The following KCND3 variants were observed in gnomAD, a reference collection of about 807,000 sequenced individuals.
KCND3 encodes A-type voltage-gated potassium channel KCND3.
A neutral mutation model predicts 51.1 loss-of-function variants in KCND3; 9 were observed. The ratio of observed to expected loss-of-function variants is 0.18; its 90% CI spans 0.11 to 0.31. The LOEUF is 0.31. Among genes scored for constraint, KCND3 ranks in the 10% least tolerant of loss-of-function variants. The probability of loss-of-function intolerance (pLI) is 1.00; values close to 1 mark genes in which losing one functional copy is unlikely to be tolerated. For missense variants in KCND3, 526 were observed against 903.8 expected, an observed-to-expected ratio of 0.58 and a Z score of 5.36; for synonymous variants, 349 against 368.0, an observed-to-expected ratio of 0.95 and a Z score of 0.59.
At chr1:111,921,382 C>T (rs1545300) in intron 2 of KCND3, among the ~76,000 whole-genome samples, 37,653 of 152,118 alleles carry the variant, frequency 0.25, 5,049 homozygotes, top group Non-Finnish European at 0.31. Flanking sequence ...CAAGGCCAGG[C>T]GGTTAACAGA....
At chr1:111,949,256 T>C (rs1277873341) in intron 2 of KCND3, among the ~76,000 whole-genome samples, 22 of 152,210 alleles carry the variant, frequency 1.4e-4, no homozygotes, top group Admixed American at 1.4e-3. Context: ...GTTTCTCTTT[T>C]GTAAAGTGGA....
chr1:111,853,076 T>C (rs917269596), intron 2 of KCND3, among the ~76,000 whole-genome samples: 2 of 152,180 alleles, frequency 1.3e-5, no homozygotes, highest in Non-Finnish European at 2.9e-5. Flanking sequence ...TGCTATGAGA[T>C]AGGTAATGAT....
intron 2 of KCND3, among the ~76,000 whole-genome samples, chr1:111,945,304 A>G (rs200124003): frequency 6.6e-6 from 1 of 152,200 alleles, no homozygotes; most frequent in Admixed American, 6.5e-5. Context: ...GAGGGGTTTC[A>G]TGGAAGACAA....
intron 2 of KCND3, among the ~76,000 whole-genome samples, chr1:111,863,118 G>A (rs148968262): frequency 3.2e-4 from 48 of 152,354 alleles, no homozygotes; most frequent in East Asian, 5.8e-4. Context: ...AGGGCTAGGT[G>A]CCTTACATAT....
chr1:111,898,100 G>C (rs1028698205), intron 2 of KCND3, among the ~76,000 whole-genome samples: 1 of 152,152 alleles, frequency 6.6e-6, no homozygotes, highest in Admixed American at 6.5e-5. Context: ...CATGGTCCTT[G>C]TCCTCTGGCT....
intron 2 of KCND3, among the ~76,000 whole-genome samples, chr1:111,971,295 C>CAA (rs3058881): frequency 2.0e-4 from 27 of 134,838 alleles, no homozygotes; most frequent in African/African-American, 7.5e-4. Context: ...TTGCAGGAGG[C>CAA]AAAAAAAAAA....
intron 2 of KCND3, among the ~76,000 whole-genome samples, chr1:111,835,176 T>C (rs1436047703): frequency 1.3e-5 from 2 of 152,216 alleles, no homozygotes; most frequent in Non-Finnish European, 1.5e-5. Context: ...ATTCCTGACC[T>C]TTGGAAGCTC....
intron 2 of KCND3, among the ~76,000 whole-genome samples, chr1:111,923,525 C>T (rs1479063659): frequency 6.6e-6 from 1 of 152,158 alleles, no homozygotes. Context: ...TTGTGCCTAA[C>T]CTGAAAGTTT....
At chr1:111,837,957 A>G (rs747015777) in intron 2 of KCND3, among the ~76,000 whole-genome samples, 28 of 152,192 alleles carry the variant, frequency 1.8e-4, no homozygotes, top group Non-Finnish European at 2.2e-4. Flanking sequence ...GGGGGAGACC[A>G]CAGAGGTGCC....
chr1:111,829,753 C>T (rs1666749256), intron 2 of KCND3, among the ~76,000 whole-genome samples: 1 of 152,126 alleles, frequency 6.6e-6, no homozygotes. Context: ...CCCAAATGAC[C>T]CCATCCTCTC....
At chr1:111,942,396 G>C (rs565621260) in intron 2 of KCND3, among the ~76,000 whole-genome samples, 1 of 152,188 alleles carries the variant, frequency 6.6e-6, no homozygotes, top group Non-Finnish European at 1.5e-5. Flanking sequence ...TGACTGGGGC[G>C]CTGTGCCATA....
At chr1:111,835,238 A>G (rs1416075282) in intron 2 of KCND3, among the ~76,000 whole-genome samples, 1 of 152,146 alleles carries the variant, frequency 6.6e-6, no homozygotes, top group Non-Finnish European at 1.5e-5. Context: ...TGGCTTGACA[A>G]TGGGTGGGTA....
intron 2 of KCND3, among the ~76,000 whole-genome samples, chr1:111,955,188 C>T (rs539889232): frequency 2.6e-5 from 4 of 152,296 alleles, no homozygotes; most frequent in East Asian, 3.9e-4. Context: ...GCACGAGAAT[C>T]GCTTAAGCCT....
At chr1:111,851,065 C>T (rs997352536) in intron 2 of KCND3, among the ~76,000 whole-genome samples, 1 of 152,178 alleles carries the variant, frequency 6.6e-6, no homozygotes, top group Admixed American at 6.5e-5. Flanking sequence ...AACCCCCACC[C>T]CTGCTACTTT....
chr1:111,927,775 G>C (rs2083900), intron 2 of KCND3, among the ~76,000 whole-genome samples: 3,508 of 152,278 alleles, frequency 0.023, 123 homozygotes, highest in African/African-American at 0.08. Context: ...TCAGAAAAGT[G>C]GGCCAGAAAT....
Position 111,777,046 on chromosome 1 carries a change from C to T in KCND3, c.1746G>A (p.Glu582=), listed in dbSNP as rs1007503620. 1.2e-6 allele frequency: 2 copies of T among 1,613,568 alleles called. No individual in the cohort carries two copies. Among genetic ancestry groups the T allele is most frequent in the Admixed American group, 3.3e-5 (2 of 59,990 alleles). ...CCCACCTGGTTGTGAGGGAGGGCTG[C>T]TCACTGCCCTGGATGTGGATCGTGC... ...ELSTIHIQGS[E]QPSLTTSRSS... is the part of the protein sequence containing the mutation. Residue 582 remains glutamate, a synonymous_variant, in exon 7 of 8, where the codon GAG becomes GAA. Coordinates refer to ENST00000302127, the MANE Select transcript of KCND3 (RefSeq NM_001378969.1).
chr1:111,955,283 A>G (rs994232625), intron 2 of KCND3, among the ~76,000 whole-genome samples: 3 of 152,096 alleles, frequency 2.0e-5, no homozygotes, highest in Non-Finnish European at 4.4e-5. Flanking sequence ...GTGTGGTGGC[A>G]CATGCCTGTA....
At chr1:111,913,303 A>G (rs914022037) in intron 2 of KCND3, among the ~76,000 whole-genome samples, 3 of 152,188 alleles carry the variant, frequency 2.0e-5, no homozygotes, top group Non-Finnish European at 2.9e-5. Flanking sequence ...AGTACACTCT[A>G]TCATGTCTGT....
intron 2 of KCND3, among the ~76,000 whole-genome samples, chr1:111,974,122 A>C (rs1465605661): frequency 6.6e-6 from 1 of 152,080 alleles, no homozygotes; most frequent in Non-Finnish European, 1.5e-5. Flanking sequence ...ATTTGCATTG[A>C]GCTAGTTGGA....
Sources: gnomAD v4.1 joint callset for allele counts (sites outside exome capture counted in the v4.1 genomes callset) on GRCh38, gnomAD v4.1.1 for gene constraint, MANE v1.5 for transcripts, NCBI Gene and HGNC (gene_info 2026-07-23, HGNC 2026-07-21) for gene names.